ZNF846: variants seen among roughly 807,000 people sequenced by gnomAD.
ZNF846 encodes the protein zinc finger protein 420 pseudogene.
In ZNF846, 15 loss-of-function variants were observed where a neutral mutation model predicts 16.0. The observed-to-expected ratio is 0.94, with a 90% CI of 0.63 to 1.45. The LOEUF (loss-of-function observed/expected upper bound fraction) is 1.45, where lower values mean the gene tolerates loss of function less well. Among genes scored for constraint, ZNF846 ranks in the 40% most tolerant of loss-of-function variants. ZNF846 has a pLI of 0.00. For synonymous variants in ZNF846, 229 were observed against 212.0 expected (o/e 1.08, Z -0.70); for missense variants, 714 against 622.3 (o/e 1.15, Z -1.57).
chr19:9,762,303 T>C, intron 3 of ZNF846, 135 bp from the exon 4 acceptor site: 1 of 671,660 alleles, frequency 1.5e-6, no homozygotes, highest in East Asian at 2.5e-5. Context: ...AAACTAATCA[T>C]ATAACATTTC....
rs933430320 is a variant in ZNF846, at chr19:9,774,425, G to A, written c.-85-9390C>T. 73 of 632,728 alleles carry A rather than the reference G, an allele frequency of 1.2e-4. 1 individual carries two copies. The highest frequency in any genetic ancestry group is 1.5e-4 in the Non-Finnish European group (54 of 350,288). The allele number at this position is 632,728 out of a possible 1,614,324, so 39.2% of individuals were successfully genotyped here. ...GGAGCTTGCAGTGAACTGAGATTGC[G>A]CCACTGCACTCCAGCCTGGGCAACA... On this transcript the variant is annotated intron_variant, in intron 1 of 4. Coordinates refer to the ZNF846 transcript ENST00000586814.
At chr19:9,762,273 A>G in intron 3 of ZNF846, 105 bp from the exon 4 acceptor site, 1 of 784,622 alleles carries the variant, frequency 1.3e-6, no homozygotes, top group Non-Finnish European at 2.2e-6. Context: ...AAGATGGTCA[A>G]GTGTAACTTT....
At chr19:9,775,193 ATGTGTG>A (rs113690294) in intron 1 of ZNF846, among the ~76,000 whole-genome samples, 4 of 149,524 alleles carry the variant, frequency 2.7e-5, no homozygotes, top group Admixed American at 2.0e-4. Flanking sequence ...GTGTATATAT[ATGTGTG>A]TGTGTGTGTG....
chr19:9,751,723 C>T (rs1007911512), downstream of ZNF846, among the ~76,000 whole-genome samples: 4 of 152,066 alleles, frequency 2.6e-5, no homozygotes, highest in Non-Finnish European at 5.9e-5. Context: ...ACATCCTCCC[C>T]GCCCTTGTGA....
downstream of ZNF846, among the ~76,000 whole-genome samples, chr19:9,750,955 C>T (rs962881055): frequency 6.6e-6 from 1 of 152,086 alleles, no homozygotes; most frequent in Non-Finnish European, 1.5e-5. Context: ...TTTAATCAGT[C>T]TGGCCTGGTA....
At chr19:9,775,449 T>C (rs2045430790) in intron 1 of ZNF846, among the ~76,000 whole-genome samples, 1 of 151,898 alleles carries the variant, frequency 6.6e-6, no homozygotes, top group Admixed American at 6.6e-5. Flanking sequence ...TATCTAGAAA[T>C]AGATCCAGGA....
At chr19:9,778,884 T>G (rs1287137503) in intron 1 of ZNF846, among the ~76,000 whole-genome samples, 3 of 140,878 alleles carry the variant, frequency 2.1e-5, no homozygotes, top group African/African-American at 5.1e-5. Flanking sequence ...GCTCAATCCA[T>G]CCTCCCAACT....
intron 1 of ZNF846, among the ~76,000 whole-genome samples, chr19:9,783,301 G>C (rs1228373779): frequency 7.9e-6 from 1 of 125,834 alleles, no homozygotes; most frequent in East Asian, 2.3e-4. Flanking sequence ...CACGATCTCA[G>C]CTCACTGCAA....
chr19:9,771,818 G>A (rs780502728), upstream of ZNF846, among the ~76,000 whole-genome samples: 2 of 151,826 alleles, frequency 1.3e-5, no homozygotes, highest in African/African-American at 4.8e-5. Context: ...TGCCAGGCTG[G>A]AGTGCAGTGG....
chr19:9,750,187 C>T (rs1346718604), downstream of ZNF846, among the ~76,000 whole-genome samples: 1 of 152,186 alleles, frequency 6.6e-6, no homozygotes, highest in Non-Finnish European at 1.5e-5. Context: ...TTGGCAGTCA[C>T]TAATGCTTAG....
At chr19:9,783,541 A>AT (rs1599405739) in intron 1 of ZNF846, among the ~76,000 whole-genome samples, 2,142 of 104,146 alleles carry the variant, frequency 0.021, 38 homozygotes, top group African/African-American at 0.085. Context: ...AAAAAAAAAA[A>AT]AAAATATATA....
At chr19:9,783,538 AAAAAAAATATATAT>A (rs892381315) in intron 1 of ZNF846, among the ~76,000 whole-genome samples, 8 of 115,484 alleles carry the variant, frequency 6.9e-5, no homozygotes, top group African/African-American at 3.5e-4. Flanking sequence ...AAAAAAAAAA[AAAAAAAATATATAT>A]ATATATATAT....
At chr19:9,749,754 G>T (rs147134022), downstream of ZNF846, among the ~76,000 whole-genome samples, 183 of 151,946 alleles carry the variant, frequency 1.2e-3, no homozygotes, top group African/African-American at 4.3e-3. Context: ...CCGCTCTACA[G>T]GCTGACTGAG....
intron 1 of ZNF846, among the ~76,000 whole-genome samples, chr19:9,780,053 T>TG (rs1182152464): frequency 1.3e-5 from 2 of 148,366 alleles, no homozygotes; most frequent in African/African-American, 5.1e-5. Flanking sequence ...ATTTTGTTTT[T>TG]TTTTTTGTTT....
upstream of ZNF846, among the ~76,000 whole-genome samples, chr19:9,769,747 G>A (rs1478255452): frequency 2.0e-5 from 3 of 151,954 alleles, no homozygotes; most frequent in South Asian, 2.1e-4. Flanking sequence ...AAGCCGAGGC[G>A]GGTGGAACAC....
intron 1 of ZNF846, among the ~76,000 whole-genome samples, chr19:9,776,698 G>A (rs1207970229): frequency 6.6e-6 from 1 of 152,164 alleles, no homozygotes. Context: ...TTAGTCTTGT[G>A]TCTTTATTTC....
At chr19:9,760,413 G>C (rs2045205764) in intron 4 of ZNF846, among the ~76,000 whole-genome samples, 2 of 151,542 alleles carry the variant, frequency 1.3e-5, no homozygotes, top group South Asian at 4.2e-4. Context: ...AGAATCAACT[G>C]TGCTGGGCTG....
chr19:9,761,300 A>T (rs1370000193), intron 4 of ZNF846, among the ~76,000 whole-genome samples: 1 of 152,218 alleles, frequency 6.6e-6, no homozygotes, highest in East Asian at 1.9e-4. Flanking sequence ...ACCTAAAAAA[A>T]GTATATGGCA....
At chr19:9,757,635 T>C (rs1178929110) in exon 6 of ZNF846, 1 of 1,613,662 alleles carries the variant, frequency 6.2e-7, no homozygotes. Context: ...CCCACATTCT[T>C]TACATGCATA....
Sources: gnomAD v4.1 joint callset for allele counts (sites outside exome capture counted in the v4.1 genomes callset) on GRCh38, gnomAD v4.1.1 for gene constraint, MANE v1.5 for transcripts, NCBI Gene and HGNC (gene_info 2026-07-23, HGNC 2026-07-21) for gene names.